CNTN6: variants seen among roughly 807,000 people sequenced by gnomAD.
CNTN6 encodes contactin 6.
In CNTN6, 137 loss-of-function variants were observed where a neutral mutation model predicts 122.8. The ratio of observed to expected loss-of-function variants is 1.12; its 90% CI spans 0.97 to 1.29. CNTN6 has a LOEUF of 1.29. Ranked by LOEUF, CNTN6 falls within the 50% of genes most tolerant of loss-of-function variation. The pLI is 0.00. For synonymous variants in CNTN6, 570 were observed against 426.0 expected (o/e 1.34, Z -4.16); for missense variants, 1,634 against 1,223.4 (o/e 1.34, Z -5.01).
chr3:1,275,886 A>T (rs1692259809), intron 4 of CNTN6, among the ~76,000 whole-genome samples: 1 of 152,180 alleles, frequency 6.6e-6, no homozygotes, highest in Admixed American at 6.5e-5. Flanking sequence ...CCTGCCACTC[A>T]TCTCCTGCTG....
chr3:1,293,257 C>T (rs1695634986), intron 5 of CNTN6, among the ~76,000 whole-genome samples: 1 of 151,534 alleles, frequency 6.6e-6, no homozygotes, highest in Admixed American at 6.6e-5. Context: ...TTTCTTTCTC[C>T]TTTTTTCCTT....
intron 1 of CNTN6, among the ~76,000 whole-genome samples, chr3:1,140,247 T>C (rs1164188051): frequency 6.6e-6 from 1 of 152,150 alleles, no homozygotes; most frequent in Non-Finnish European, 1.5e-5. Flanking sequence ...ACAAAGAGCA[T>C]TTCTATAAGA....
At chr3:1,394,003 C>A (rs954850080) in intron 20 of CNTN6, among the ~76,000 whole-genome samples, 15 of 152,004 alleles carry the variant, frequency 9.9e-5, no homozygotes, top group African/African-American at 2.7e-4. Flanking sequence ...TATTCTTAAG[C>A]ACTGGGTGGA....
chr3:1,158,863 C>T (rs1322333522), intron 2 of CNTN6, among the ~76,000 whole-genome samples: 1 of 29,688 alleles, frequency 3.4e-5, no homozygotes, highest in African/African-American at 8.9e-5. Flanking sequence ...CATATATATA[C>T]ACACATATAT....
At chr3:1,248,840 G>A (rs1324087648) in intron 4 of CNTN6, among the ~76,000 whole-genome samples, 1 of 151,640 alleles carries the variant, frequency 6.6e-6, no homozygotes, top group East Asian at 1.9e-4. Flanking sequence ...TGGACAACAA[G>A]AGAGAAACTC....
intron 1 of CNTN6, among the ~76,000 whole-genome samples, chr3:1,095,517 T>C (rs2090482867): frequency 6.6e-6 from 1 of 152,006 alleles, no homozygotes; most frequent in Admixed American, 6.6e-5. Context: ...AAACATTGAG[T>C]TTAATTTTTG....
intron 2 of CNTN6, among the ~76,000 whole-genome samples, chr3:1,164,615 T>G (rs923115005): frequency 2.0e-5 from 3 of 152,210 alleles, no homozygotes; most frequent in African/African-American, 7.2e-5. Context: ...ATAGTTTTCA[T>G]GTAGAATGTG....
intron 17 of CNTN6, among the ~76,000 whole-genome samples, chr3:1,381,695 A>G (rs1008524609): frequency 1.3e-5 from 2 of 151,996 alleles, no homozygotes; most frequent in Non-Finnish European, 2.9e-5. Context: ...GCTAATTTGG[A>G]TGCCCTCTCT....
chr3:1,114,901 C>G (rs903328077), intron 1 of CNTN6, among the ~76,000 whole-genome samples: 7 of 152,114 alleles, frequency 4.6e-5, no homozygotes, highest in Admixed American at 4.6e-4. Flanking sequence ...GCAGACTCCC[C>G]TAGAAGGCTC....
At chr3:1,338,660 C>G (rs1036093041) in intron 11 of CNTN6, among the ~76,000 whole-genome samples, 1 of 151,958 alleles carries the variant, frequency 6.6e-6, no homozygotes, top group South Asian at 2.1e-4. Flanking sequence ...CTTATTTTAC[C>G]TCTTGCTTCT....
intron 2 of CNTN6, among the ~76,000 whole-genome samples, chr3:1,188,555 G>A (rs2093659786): frequency 6.6e-6 from 1 of 152,156 alleles, no homozygotes; most frequent in Non-Finnish European, 1.5e-5. Flanking sequence ...TCCATGGACT[G>A]GAATTTGGTT....
intron 11 of CNTN6, among the ~76,000 whole-genome samples, chr3:1,341,080 A>G (rs897912963): frequency 6.6e-6 from 1 of 152,164 alleles, no homozygotes; most frequent in African/African-American, 2.4e-5. Context: ...CATAGGCAGA[A>G]TGTCCTCACA....
At chr3:1,208,700 C>T (rs917966414) in intron 2 of CNTN6, among the ~76,000 whole-genome samples, 6 of 152,042 alleles carry the variant, frequency 3.9e-5, no homozygotes, top group African/African-American at 1.4e-4. Flanking sequence ...TGATATTGAA[C>T]AAGTTATTTC....
At chr3:1,188,110 T>C (rs2093654314) in intron 2 of CNTN6, among the ~76,000 whole-genome samples, 1 of 152,128 alleles carries the variant, frequency 6.6e-6, no homozygotes, top group Non-Finnish European at 1.5e-5. Context: ...AATGACCCAA[T>C]GATGCAAGCA....
At chr3:1,169,704 T>C (rs1280059204) in intron 2 of CNTN6, among the ~76,000 whole-genome samples, 1 of 152,182 alleles carries the variant, frequency 6.6e-6, no homozygotes, top group African/African-American at 2.4e-5. Context: ...CCTTTAAACA[T>C]TTGTGCCAAT....
intron 2 of CNTN6, among the ~76,000 whole-genome samples, chr3:1,176,604 A>C (rs546512002): frequency 1.3e-5 from 2 of 152,274 alleles, no homozygotes; most frequent in East Asian, 3.9e-4. Flanking sequence ...AAAATTTATA[A>C]CTCTTGATTA....
intron 4 of CNTN6, among the ~76,000 whole-genome samples, chr3:1,252,342 G>T (rs1001989223): frequency 6.6e-6 from 1 of 152,042 alleles, no homozygotes; most frequent in Non-Finnish European, 1.5e-5. Flanking sequence ...CTGCTTAGTA[G>T]TTACCAGTTT....
chr3:1,301,633 A>G (rs1292155492), intron 7 of CNTN6, among the ~76,000 whole-genome samples: 1 of 152,206 alleles, frequency 6.6e-6, no homozygotes, highest in Non-Finnish European at 1.5e-5. Flanking sequence ...AACAAAATTA[A>G]TCAATGTTGA....
At chr3:1,300,549 GAGAAAGAAAAAGAAAGAA>G (rs1697114895) in intron 7 of CNTN6, among the ~76,000 whole-genome samples, 1 of 115,244 alleles carries the variant, frequency 8.7e-6, no homozygotes, top group South Asian at 3.5e-4. Flanking sequence ...GAGAAAGAAA[GAGAAAGAAAAAGAAAGAA>G]AGAAAGAAAG....
Sources: gnomAD v4.1 joint callset for allele counts (sites outside exome capture counted in the v4.1 genomes callset) on GRCh38, gnomAD v4.1.1 for gene constraint, MANE v1.5 for transcripts, NCBI Gene and HGNC (gene_info 2026-07-23, HGNC 2026-07-21) for gene names.